CDH4: variants seen among roughly 807,000 people sequenced by gnomAD.
CDH4 encodes the protein cadherin 4.
In CDH4, 33 loss-of-function variants were observed where a neutral mutation model predicts 86.0. That is an observed-to-expected ratio of 0.38 (90% CI 0.29 to 0.51). The LOEUF is 0.51. CDH4 is among the 20% of genes least tolerant of loss of function. The pLI is 0.86. For synonymous variants in CDH4, 555 were observed against 549.4 expected, an observed-to-expected ratio of 1.01 and a Z score of -0.14; for missense variants, 1,114 against 1,307.4, an observed-to-expected ratio of 0.85 and a Z score of 2.28.
chr20:61,659,038 C>G (rs1194122878), intron 2 of CDH4, among the ~76,000 whole-genome samples: 4 of 152,210 alleles, frequency 2.6e-5, no homozygotes, highest in Non-Finnish European at 1.5e-5. Context: ...GAGAATCAAC[C>G]TCATACTCCA....
At chr20:61,747,996 A>G (rs1359362705) in intron 3 of CDH4, among the ~76,000 whole-genome samples, 14 of 152,158 alleles carry the variant, frequency 9.2e-5, no homozygotes, top group Admixed American at 9.2e-4. Context: ...GAACCCAAAG[A>G]CAAAGAGGAA....
At chr20:61,349,909 G>A (rs139189664) in intron 2 of CDH4, among the ~76,000 whole-genome samples, 3 of 152,270 alleles carry the variant, frequency 2.0e-5, no homozygotes, top group East Asian at 1.9e-4. Flanking sequence ...GCTACCATTC[G>A]AGCGAGTGGT....
chr20:61,465,198 G>T (rs1446521755), intron 2 of CDH4, among the ~76,000 whole-genome samples: 3 of 152,208 alleles, frequency 2.0e-5, no homozygotes, highest in Admixed American at 6.5e-5. Flanking sequence ...GAACTTGCTG[G>T]AGAGATGGCA....
At chr20:61,346,231 A>G (rs1275823852) in intron 2 of CDH4, among the ~76,000 whole-genome samples, 1 of 152,036 alleles carries the variant, frequency 6.6e-6, no homozygotes, top group Non-Finnish European at 1.5e-5. Context: ...GAGGCAGGGG[A>G]CTGAGACCAG....
At chr20:61,365,452 G>GC (rs1316448130) in intron 2 of CDH4, among the ~76,000 whole-genome samples, 1 of 152,122 alleles carries the variant, frequency 6.6e-6, no homozygotes, top group Non-Finnish European at 1.5e-5. Context: ...CGGGTGATGA[G>GC]TGCTGGGGTA....
intron 3 of CDH4, among the ~76,000 whole-genome samples, chr20:61,759,028 C>T (rs2088600378): frequency 6.6e-6 from 1 of 152,172 alleles, no homozygotes; most frequent in Non-Finnish European, 1.5e-5. Flanking sequence ...TGTGTGTGCA[C>T]ATGTGTGCGT....
chr20:61,337,352 A>G (rs55788998), intron 2 of CDH4, among the ~76,000 whole-genome samples: 5 of 119,772 alleles, frequency 4.2e-5, no homozygotes, highest in East Asian at 2.8e-4. Context: ...GATGATAACA[A>G]TGGTGATGAT....
At chr20:61,652,343 T>A (rs2087130381) in intron 2 of CDH4, among the ~76,000 whole-genome samples, 1 of 125,120 alleles carries the variant, frequency 8.0e-6, no homozygotes, top group Non-Finnish European at 1.9e-5. Flanking sequence ...GTACCCTACA[T>A]ACTAAATAGC....
rs977371946 is a variant in CDH4 at position 61,501,181 on chromosome 20, C to T, written c.170-242382C>T. Among the ~76,000 whole-genome samples, 3 of 152,196 alleles carry T rather than the reference C, an allele frequency of 2.0e-5. No individual in the cohort carries two copies. Among genetic ancestry groups the T allele is most frequent in the African/African-American group, 7.2e-5 (3 of 41,442 alleles). On this transcript the variant is annotated intron_variant, in intron 2 of 15. Transcript: ENST00000614565. The surrounding 1 kb of genome is among the most constrained non-coding windows in gnomAD (Gnocchi z 4.2). Reference sequence around the variant, plus strand: ...TGCTCTGAGCTACAATAGACTCAGGCTGGGGGAGGTGGCGCTGCCATCCGC... The same window carrying T: ...TGCTCTGAGCTACAATAGACTCAGGTTGGGGGAGGTGGCGCTGCCATCCGC...
In CDH4 at chr20:61,709,756, C is replaced by G. The variant is rs905485678; in HGVS notation, c.170-33807C>G. On this transcript the variant is annotated intron_variant, in intron 2 of 15. Coordinates refer to ENST00000614565, the MANE Select transcript of CDH4 (RefSeq NM_001794.5). The surrounding 1 kb of genome is among the most constrained non-coding windows in gnomAD (Gnocchi z 4.8). ...GCCACGTCCCCTGGTCCTCACGAAGCCCAAAATAGCAGGATGGAGCGGGAG... is the reference window on the plus strand; with the variant it reads ...GCCACGTCCCCTGGTCCTCACGAAGGCCAAAATAGCAGGATGGAGCGGGAG... Among the ~76,000 whole-genome samples, 1 of 152,148 alleles carries G rather than the reference C, an allele frequency of 6.6e-6. No homozygotes were observed. The highest frequency in any genetic ancestry group is 2.4e-5 in the African/African-American group (1 of 41,438).
At chr20:61,360,569 G>T (rs1240298368) in intron 2 of CDH4, among the ~76,000 whole-genome samples, 2 of 152,166 alleles carry the variant, frequency 1.3e-5, no homozygotes, top group African/African-American at 4.8e-5. Context: ...CCTGCTCTCA[G>T]TACACTGTGA....
intron 2 of CDH4, among the ~76,000 whole-genome samples, chr20:61,325,574 G>A (rs938169902): frequency 6.6e-6 from 1 of 151,666 alleles, no homozygotes; most frequent in Non-Finnish European, 1.5e-5. Context: ...GGGGCAGGGG[G>A]TTAGATGTGC....
intron 11 of CDH4, among the ~76,000 whole-genome samples, chr20:61,927,687 A>G (rs2055059193): frequency 6.6e-6 from 1 of 152,196 alleles, no homozygotes; most frequent in African/African-American, 2.4e-5. Flanking sequence ...CCCAGCCCTC[A>G]GGGGCCAGTG....
chr20:61,694,312 C>T (rs1418441170), intron 2 of CDH4, among the ~76,000 whole-genome samples: 1 of 152,132 alleles, frequency 6.6e-6, no homozygotes. Context: ...TGTTTCTACT[C>T]CCTCCTTTAC....
chr20:61,843,298 A>G (rs71323524), intron 4 of CDH4, among the ~76,000 whole-genome samples: 59,036 of 148,944 alleles, frequency 0.4, 14,418 homozygotes, highest in Non-Finnish European at 0.56. Context: ...AAAATACAAA[A>G]AATTAGCCGG....
intron 2 of CDH4, among the ~76,000 whole-genome samples, chr20:61,683,960 A>G (rs1329896552): frequency 6.6e-6 from 1 of 152,178 alleles, no homozygotes; most frequent in Non-Finnish European, 1.5e-5. Context: ...GTGAGACTGT[A>G]GCCCCATCAC....
chr20:61,520,537 C>T (rs2085861009), intron 2 of CDH4, among the ~76,000 whole-genome samples: 1 of 152,178 alleles, frequency 6.6e-6, no homozygotes, highest in African/African-American at 2.4e-5. Context: ...GAGTGAAGCA[C>T]CAGCTAAGCA....
intron 2 of CDH4, among the ~76,000 whole-genome samples, chr20:61,725,438 C>T (rs899896442): frequency 4.6e-5 from 7 of 152,154 alleles, no homozygotes; most frequent in Non-Finnish European, 7.3e-5. Flanking sequence ...TGCCTGGGAG[C>T]AGGGAGCACT....
chr20:61,438,469 G>C (rs983514006), intron 2 of CDH4, among the ~76,000 whole-genome samples: 5 of 152,174 alleles, frequency 3.3e-5, no homozygotes, highest in African/African-American at 1.2e-4. Flanking sequence ...TGCTATAAAA[G>C]AAATATTTTA....
Sources: allele counts gnomAD v4.1 joint callset (sites outside exome capture counted in the v4.1 genomes callset), GRCh38; gene constraint gnomAD v4.1.1; non-coding constraint Gnocchi (gnomAD v3.1); transcripts MANE v1.5; gene names NCBI Gene and HGNC (gene_info 2026-07-23, HGNC 2026-07-21).